The following DMD variants were observed in gnomAD, a reference collection of about 807,000 sequenced individuals.
DMD encodes the protein dystrophin.
In DMD, 63 loss-of-function variants were observed where a neutral mutation model predicts 330.1. That is an observed-to-expected ratio of 0.19 (90% CI 0.16 to 0.24). The LOEUF (loss-of-function observed/expected upper bound fraction) is 0.24. DMD is among the 10% of genes least tolerant of loss of function. The pLI, the probability that DMD is intolerant of heterozygous loss-of-function variation, is 1.00. For missense variants in DMD, 3,344 were observed against 2,684.1 expected, an observed-to-expected ratio of 1.25 and a Z score of -5.43; for synonymous variants, 1,223 against 959.8, an observed-to-expected ratio of 1.27 and a Z score of -5.07.
rs774096293 is a variant in DMD at position 32,438,210 on chromosome X, G to T, written c.4071+31C>A. The T allele has an allele frequency of 5.0e-6, 6 of 1,198,273 alleles. No individual in the cohort carries two copies. The Admixed American group carries it at 1.3e-4, about 26-fold the overall frequency. On this transcript the variant is annotated intron_variant, in intron 29 of 78. Coordinates refer to ENST00000357033, the MANE Select transcript of DMD (RefSeq NM_004006.3). ...ATCTGCTATACATTAATGCAAATTA[G>T]ATTAAAGAGATTTTTCACTTATCTT...
chrX:32,154,432 G>A (rs375113579), intron 44 of DMD, among the ~76,000 whole-genome samples: 3 of 112,138 alleles, frequency 2.7e-5, no homozygotes, highest in African/African-American at 9.7e-5. Context: ...GATATACGAT[G>A]ACATAGTATG....
intron 1 of DMD, among the ~76,000 whole-genome samples, chrX:33,033,804 CAA>C (rs1297534015): frequency 1.8e-5 from 2 of 110,883 alleles, no homozygotes; most frequent in African/African-American, 6.6e-5. Context: ...AACAGAATTA[CAA>C]AAGATTTAGA....
intron 13 of DMD, among the ~76,000 whole-genome samples, chrX:32,574,840 A>G (rs2149144991): frequency 9.0e-6 from 1 of 110,925 alleles, no homozygotes; most frequent in East Asian, 2.8e-4. Flanking sequence ...CACCTAGAGG[A>G]TATTAACACA....
At chrX:32,053,499 C>T (rs1178241198) in intron 44 of DMD, among the ~76,000 whole-genome samples, 1 of 111,338 alleles carries the variant, frequency 9.0e-6, no homozygotes, top group African/African-American at 3.3e-5. Flanking sequence ...CTCTTGTTCA[C>T]TACTTTTAGC....
rs184544629 is a variant in DMD, at chrX:32,730,576, T to G, written c.650-31283A>C. ...TCACATTTTGGAAATAGTAAGATGT[T>G]TGCCCTAGGAATAAGCTTAAAGTAG... On this transcript the variant is annotated intron_variant, in intron 7 of 78. Transcript: ENST00000357033. Among the ~76,000 whole-genome samples, 332 of 111,784 alleles carry G rather than the reference T, an allele frequency of 3.0e-3. 1 individual carries two copies. The highest frequency in any genetic ancestry group is 9.3e-3 in the Middle Eastern group (2 of 216).
chrX:32,354,380 A>G (rs1479132205), intron 37 of DMD, among the ~76,000 whole-genome samples: 1 of 111,418 alleles, frequency 9.0e-6, no homozygotes, highest in African/African-American at 3.2e-5. Flanking sequence ...ACCAAGATGA[A>G]AAATTTCAAG....
chrX:32,206,061 A>C (rs750961595), intron 44 of DMD: 2 of 515,225 alleles, frequency 3.9e-6, no homozygotes, highest in African/African-American at 4.6e-5. Flanking sequence ...TAAATTGCAC[A>C]TTGTTGAAGC....
chrX:32,210,674 G>T (rs759654532), intron 44 of DMD, among the ~76,000 whole-genome samples: 3 of 111,311 alleles, frequency 2.7e-5, no homozygotes, highest in Non-Finnish European at 5.7e-5. Context: ...GCCATGTTAG[G>T]TGTATCCTAA....
At chrX:31,706,875 G>T (rs1441496910) in intron 52 of DMD, among the ~76,000 whole-genome samples, 1 of 111,943 alleles carries the variant, frequency 8.9e-6, no homozygotes, top group Non-Finnish European at 1.9e-5. Flanking sequence ...AATACAGTTT[G>T]GGTAATAGCT....
At position 32,799,594 on chromosome X, in the gene DMD, A is replaced by ATT. The variant is rs59086238; in HGVS notation, c.649+9897_649+9898dup. ...AAAGCACTCTCTTAATATAGGGAGG[A>ATT]TTTTTTTTTTTTTTTTGGACTGGCA... On this transcript the variant is annotated intron_variant, in intron 7 of 78. Transcript: ENST00000357033. 2.2e-3 allele frequency among the ~76,000 whole-genome samples: 207 copies of ATT among 94,805 alleles called. 1 individual carries two copies. Among genetic ancestry groups the ATT allele is most frequent in the African/African-American group, 7.4e-3 (194 of 26,212 alleles). 82.3% of individuals were successfully genotyped at this position (94,805 alleles called of 115,157 possible).
chrX:31,746,536 A>T (rs2149097350), intron 51 of DMD, among the ~76,000 whole-genome samples: 1 of 112,140 alleles, frequency 8.9e-6, no homozygotes, highest in African/African-American at 3.2e-5. Context: ...CAAATACCTT[A>T]GGTAGAAATT....
At chrX:33,257,597 G>A (rs2052879878) in intron 1 of DMD, among the ~76,000 whole-genome samples, 1 of 110,731 alleles carries the variant, frequency 9.0e-6, no homozygotes, top group Admixed American at 9.7e-5. Context: ...TTAATACTTG[G>A]AAATAAAATA....
At chrX:31,883,860 A>G (rs773923493) in intron 47 of DMD, among the ~76,000 whole-genome samples, 3 of 106,814 alleles carry the variant, frequency 2.8e-5, no homozygotes, top group Non-Finnish European at 5.8e-5. Flanking sequence ...TCTAAAGCAA[A>G]CATACAAATG....
intron 1 of DMD, among the ~76,000 whole-genome samples, chrX:33,332,353 G>A (rs2054192603): frequency 9.0e-6 from 1 of 111,688 alleles, no homozygotes; most frequent in Non-Finnish European, 1.9e-5. Context: ...TTATTGATCA[G>A]GTTATAAGTT....
chrX:32,503,652 T>A (rs1262788020), intron 18 of DMD, among the ~76,000 whole-genome samples: 2 of 110,120 alleles, frequency 1.8e-5, no homozygotes, highest in Non-Finnish European at 3.8e-5. Context: ...GCCTCCCGGG[T>A]TCAAGCAACT....
intron 2 of DMD, among the ~76,000 whole-genome samples, chrX:32,853,769 G>GAAAAAAAAAAAAAAA (rs1162458210): frequency 5.3e-5 from 3 of 56,086 alleles, no homozygotes; most frequent in African/African-American, 1.5e-4. Context: ...CACAGTGACA[G>GAAAAAAAAAAAAAAA]AAAAAAAAAA....
chrX:32,459,089 C>A (rs2098373032), intron 25 of DMD, among the ~76,000 whole-genome samples: 1 of 110,651 alleles, frequency 9.0e-6, no homozygotes, highest in South Asian at 3.8e-4. Context: ...ATCTACTGTA[C>A]AACATTGGGC....
At chrX:32,435,931 C>T (rs2098259492) in intron 29 of DMD, among the ~76,000 whole-genome samples, 1 of 112,042 alleles carries the variant, frequency 8.9e-6, no homozygotes, top group Admixed American at 9.5e-5. Flanking sequence ...GCATCCACTA[C>T]AGGTAGTTTC....
chrX:32,027,164 G>GCACACACACACACACATACACA (rs368471597), intron 44 of DMD, among the ~76,000 whole-genome samples: 3,799 of 89,426 alleles, frequency 0.042, 71 homozygotes, highest in Non-Finnish European at 0.05. Flanking sequence ...ACACGCACGT[G>GCACACACACACACACATACACA]CACACACACA....
Sources: allele counts gnomAD v4.1 joint callset (sites outside exome capture counted in the v4.1 genomes callset), GRCh38; gene constraint gnomAD v4.1.1; transcripts MANE v1.5; gene names NCBI Gene and HGNC (gene_info 2026-07-23, HGNC 2026-07-21).